The following RNF130 variants were observed in gnomAD, a reference collection of about 807,000 sequenced individuals.
RNF130 encodes the protein E3 ubiquitin-protein ligase RNF130.
Under a neutral mutation model 44.6 loss-of-function variants are expected in RNF130, and 21 were observed. The ratio of observed to expected loss-of-function variants is 0.47; its 90% CI spans 0.33 to 0.68. The LOEUF is 0.68. Ranked by LOEUF, RNF130 falls within the 30% of genes least tolerant of loss-of-function variation. The probability of loss-of-function intolerance (pLI) is 0.02; values close to 1 mark genes in which losing one functional copy is unlikely to be tolerated. For missense variants in RNF130, 479 were observed against 560.6 expected, an observed-to-expected ratio of 0.85 and a Z score of 1.47; for synonymous variants, 214 against 210.4, an observed-to-expected ratio of 1.02 and a Z score of -0.15.
At chr5:180,022,615 A>G (rs1763898649) in intron 2 of RNF130, among the ~76,000 whole-genome samples, 1 of 152,172 alleles carries the variant, frequency 6.6e-6, no homozygotes, top group African/African-American at 2.4e-5. Flanking sequence ...GGCACACATC[A>G]ATGTACACGG....
intron 1 of RNF130, among the ~76,000 whole-genome samples, chr5:180,042,371 G>A (rs1007425700): frequency 3.3e-5 from 5 of 152,052 alleles, no homozygotes; most frequent in South Asian, 2.1e-4. Flanking sequence ...TATTGTATAC[G>A]ACCATTACCT....
rs755886949 is a variant in RNF130, at chr5:180,013,321, AAAAT to A, written c.443-14_443-11del. 1 of 1,591,048 alleles carries A rather than the reference AAAAT, an allele frequency of 6.3e-7. No homozygotes were observed. On this transcript the variant is annotated splice_polypyrimidine_tract_variant and intron_variant, in intron 2 of 8. Transcript: ENST00000521389. ...ATAATATCTCCAGTGCCTGCAATAT[AAAAT>A]AAATATATAACTCAAGTGACATTTA...
intron 7 of RNF130, among the ~76,000 whole-genome samples, chr5:179,965,258 C>T (rs1762415604): frequency 6.6e-6 from 1 of 152,178 alleles, no homozygotes; most frequent in Admixed American, 6.5e-5. Context: ...CTACCTCTGC[C>T]CCCAGTGCCT....
At position 180,071,736 on chromosome 5, in the gene RNF130, G is replaced by A. The variant is rs751367986; in HGVS notation, c.-34C>T. 1.7e-4 allele frequency: 203 copies of A among 1,181,080 alleles called. No homozygotes were observed. Among genetic ancestry groups the A allele is most frequent in the Middle Eastern group, 1.0e-3 (3 of 2,942 alleles). 73.2% of individuals were successfully genotyped at this position (1,181,080 alleles called of 1,614,324 possible). On this transcript the variant is annotated 5_prime_UTR_variant, in exon 1 of 9. Transcript: ENST00000521389. ...CGGCAGCCGCCGCTGCTCGCGGACC[G>A]GGCTCCGGGGCCGGCGCCTAGAGGC...
intron 2 of RNF130, among the ~76,000 whole-genome samples, chr5:180,020,054 A>G (rs534901164): frequency 6.6e-6 from 1 of 152,276 alleles, no homozygotes; most frequent in South Asian, 2.1e-4. Flanking sequence ...AAACTAAATG[A>G]CAGGAAGAGA....
chr5:179,920,427 C>T lies in RNF130; in HGVS notation c.1151-1G>A. On this transcript the variant is annotated splice_acceptor_variant, in intron 7 of 7. Transcript: ENST00000522208. LOFTEE classifies it high-confidence loss of function. ...GAGTTTCGATGAAAGAAGTGACCAC[C>T]TGGAAAAGGAAGAAGAGAAAGAGAC... 1 of 702,336 alleles carries T rather than the reference C, an allele frequency of 1.4e-6. No individual in the cohort carries two copies. The highest frequency in any genetic ancestry group is 2.6e-6 in the Non-Finnish European group (1 of 384,850). 43.5% of individuals were successfully genotyped at this position (702,336 alleles called of 1,614,324 possible). A position where few individuals can be genotyped will look rare whatever the true frequency, so the allele number is the denominator to read the frequency against.
intron 2 of RNF130, among the ~76,000 whole-genome samples, chr5:180,019,841 A>G (rs954597593): frequency 1.5e-4 from 23 of 152,324 alleles, no homozygotes; most frequent in African/African-American, 5.5e-4. Context: ...AAACTCTTTC[A>G]CTGGACACTC....
chr5:179,965,134 TTGTG>T (rs1363803184), intron 7 of RNF130, among the ~76,000 whole-genome samples: 1 of 152,146 alleles, frequency 6.6e-6, no homozygotes, highest in Non-Finnish European at 1.5e-5. Context: ...TTGCATGTCT[TTGTG>T]TGTGTGTGAT....
At chr5:179,926,540 T>C (rs1050893674) in intron 7 of RNF130, among the ~76,000 whole-genome samples, 1 of 102,262 alleles carries the variant, frequency 9.8e-6, no homozygotes, top group Non-Finnish European at 1.7e-5. Flanking sequence ...TCCCAGTTAC[T>C]CGGGAGGCTG....
At chr5:180,035,187 G>A (rs1366292467) in intron 2 of RNF130, among the ~76,000 whole-genome samples, 2 of 152,096 alleles carry the variant, frequency 1.3e-5, no homozygotes, top group Non-Finnish European at 2.9e-5. Context: ...TTTCATCTAA[G>A]TACTGCTTTC....
intron 1 of RNF130, among the ~76,000 whole-genome samples, chr5:180,047,975 T>C (rs10071652): frequency 0.8 from 121,108 of 151,618 alleles, 48,590 homozygotes; most frequent in South Asian, 0.93. Context: ...CTCTCCAGGG[T>C]TCATGTTCAC....
chr5:179,966,909 G>A lies in RNF130; in HGVS notation c.1047C>T (p.Asp349=), dbSNP rs375842697. 8.1e-6 allele frequency: 13 copies of A among 1,614,134 alleles called. No individual in the cohort carries two copies. In the African/African-American group the frequency reaches 1.7e-4, roughly 22 times the overall value. The change falls in exon 7 of 9, where the codon GAC becomes GAT. Residue 349 remains aspartate, a synonymous_variant. Transcript: ENST00000521389. ...GAAGTGGCTCAAGGCCAAGGGAGTT[G>A]TCGCCGGCGAGGTCGCCGAGGGCTG... is the stretch of plus-strand genomic sequence containing the variant. ...RRSALGDLAG[D]NSLGLEPLRT...
intron 1 of RNF130, among the ~76,000 whole-genome samples, chr5:180,052,796 A>C (rs933718159): frequency 6.6e-6 from 1 of 152,200 alleles, no homozygotes; most frequent in African/African-American, 2.4e-5. Flanking sequence ...CAGAAAAAGA[A>C]AGACTGAGAG....
chr5:179,954,967 A>C (rs1034051083), downstream of RNF130: 2 of 152,236 alleles, frequency 1.3e-5, no homozygotes, highest in Non-Finnish European at 1.5e-5. Flanking sequence ...AATCGCTCTC[A>C]CCTACTTTTT....
chr5:180,016,190 G>T (rs17079966), intron 2 of RNF130, among the ~76,000 whole-genome samples: 19,277 of 151,976 alleles, frequency 0.13, 1,405 homozygotes, highest in East Asian at 0.27. Flanking sequence ...ATCTTTTACA[G>T]AATCTGGCGA....
intron 7 of RNF130, among the ~76,000 whole-genome samples, chr5:179,937,010 G>C (rs1003912236): frequency 2.0e-5 from 3 of 152,172 alleles, no homozygotes; most frequent in African/African-American, 7.2e-5. Flanking sequence ...ACCGATGGAA[G>C]TTTTTGCGAC....
chr5:180,027,296 G>A (rs911716811), intron 2 of RNF130, among the ~76,000 whole-genome samples: 4 of 152,182 alleles, frequency 2.6e-5, no homozygotes, highest in Non-Finnish European at 4.4e-5. Context: ...GCCCTACAGG[G>A]TGAGAAGGGT....
chr5:179,981,771 T>C (rs2113720045), intron 3 of RNF130, among the ~76,000 whole-genome samples: 1 of 152,298 alleles, frequency 6.6e-6, no homozygotes, highest in East Asian at 1.9e-4. Context: ...GCAGCTGGCT[T>C]GTTTGAATCA....
intron 3 of RNF130, among the ~76,000 whole-genome samples, chr5:179,983,648 G>A (rs1461794793): frequency 6.6e-6 from 1 of 152,014 alleles, no homozygotes; most frequent in Non-Finnish European, 1.5e-5. Context: ...ATGAACTTTA[G>A]GATCAGTTTG....
Sources: gnomAD v4.1 joint callset for allele counts (sites outside exome capture counted in the v4.1 genomes callset) on GRCh38, gnomAD v4.1.1 for gene constraint, MANE v1.5 for transcripts, NCBI Gene and HGNC (gene_info 2026-07-23, HGNC 2026-07-21) for gene names.